The following CAMK1D variants were observed in gnomAD, a reference collection of about 807,000 sequenced individuals.
CAMK1D encodes the protein calcium/calmodulin dependent protein kinase ID, also known as calcium/calmodulin-dependent protein kinase type 1D.
In CAMK1D, 9 loss-of-function variants were observed where a neutral mutation model predicts 47.7. That is an observed-to-expected ratio of 0.19 (90% CI 0.11 to 0.33). CAMK1D has a LOEUF of 0.33. Among genes scored for constraint, CAMK1D ranks in the 10% least tolerant of loss-of-function variants. CAMK1D has a pLI of 1.00. For synonymous variants in CAMK1D, 184 were observed against 184.9 expected, an observed-to-expected ratio of 0.99 and a Z score of 0.04; for missense variants, 291 against 488.7, an observed-to-expected ratio of 0.60 and a Z score of 3.81.
chr10:12,364,595 A>T (rs1044421943), intron 1 of CAMK1D, among the ~76,000 whole-genome samples: 1 of 150,058 alleles, frequency 6.7e-6, no homozygotes, highest in South Asian at 2.1e-4. Flanking sequence ...AGCTGATGGG[A>T]TAGAGAAGTA....
chr10:12,684,027 G>A (rs1009260772), intron 3 of CAMK1D, among the ~76,000 whole-genome samples: 2 of 152,048 alleles, frequency 1.3e-5, no homozygotes, highest in African/African-American at 2.4e-5. Context: ...AAATTAGGCC[G>A]TAAGGAATAG....
At chr10:12,731,966 G>T (rs1834908045) in intron 3 of CAMK1D, among the ~76,000 whole-genome samples, 1 of 152,124 alleles carries the variant, frequency 6.6e-6, no homozygotes, top group African/African-American at 2.4e-5. Flanking sequence ...TAGAGATGCT[G>T]GGCACGGTGG....
At chr10:12,580,336 TC>T (rs1243856561) in intron 2 of CAMK1D, among the ~76,000 whole-genome samples, 1 of 126,546 alleles carries the variant, frequency 7.9e-6, no homozygotes, top group African/African-American at 3.0e-5. Context: ...CTCCCTTCCT[TC>T]CTTTTTTTTT....
At chr10:12,661,877 A>G (rs1366901388) in intron 2 of CAMK1D, among the ~76,000 whole-genome samples, 1 of 152,274 alleles carries the variant, frequency 6.6e-6, no homozygotes, top group East Asian at 1.9e-4. Context: ...CTAGGAGCTA[A>G]CATGGGTTAC....
At chr10:12,795,919 G>C (rs1014315225) in intron 6 of CAMK1D, among the ~76,000 whole-genome samples, 1 of 152,144 alleles carries the variant, frequency 6.6e-6, no homozygotes, top group African/African-American at 2.4e-5. Context: ...GGACGGCGTG[G>C]GTTGCGCTTT....
chr10:12,365,674 G>A (rs192634853), intron 1 of CAMK1D, among the ~76,000 whole-genome samples: 1,964 of 151,842 alleles, frequency 0.013, 42 homozygotes, highest in African/African-American at 0.044. Flanking sequence ...TGCTGACCTC[G>A]TGATCTGCCT....
At chr10:12,648,093 T>C (rs951065327) in intron 2 of CAMK1D, among the ~76,000 whole-genome samples, 1 of 152,240 alleles carries the variant, frequency 6.6e-6, no homozygotes, top group Non-Finnish European at 1.5e-5. Flanking sequence ...ACATTCTTTA[T>C]TGAATCATTT....
chr10:12,516,768 G>A (rs7090626), intron 1 of CAMK1D, among the ~76,000 whole-genome samples: 77,393 of 152,014 alleles, frequency 0.51, 19,905 homozygotes, highest in South Asian at 0.62. Context: ...TCATCTGCCT[G>A]TTTGCCATCT....
At chr10:12,825,831 AC>A in intron 10 of CAMK1D, 141 bp downstream of exon 10, 2 of 1,405,992 alleles carry the variant, frequency 1.4e-6, no homozygotes, top group Non-Finnish European at 1.9e-6. Flanking sequence ...CGACCCTAGG[AC>A]TTTTTTTAAC....
At chr10:12,385,013 C>G (rs1838448565) in intron 1 of CAMK1D, among the ~76,000 whole-genome samples, 1 of 152,176 alleles carries the variant, frequency 6.6e-6, no homozygotes, top group South Asian at 2.1e-4. Context: ...TGCCCAACAT[C>G]TTTAGCCATC....
chr10:12,447,927 A>G (rs1482487835), intron 1 of CAMK1D, among the ~76,000 whole-genome samples: 1 of 152,074 alleles, frequency 6.6e-6, no homozygotes, highest in Admixed American at 6.5e-5. Flanking sequence ...ATCTCGGCTC[A>G]CTGAAACCTC....
At chr10:12,734,322 CAAAAAAAAAAA>C (rs1201573872) in intron 3 of CAMK1D, among the ~76,000 whole-genome samples, 106 of 23,574 alleles carry the variant, frequency 4.5e-3, no homozygotes, top group African/African-American at 0.016. Context: ...GACTCCATCT[CAAAAAAAAAAA>C]AAAAAAAAAA....
At chr10:12,689,910 T>G (rs1832809084) in intron 3 of CAMK1D, among the ~76,000 whole-genome samples, 1 of 152,172 alleles carries the variant, frequency 6.6e-6, no homozygotes, top group Non-Finnish European at 1.5e-5. Context: ...TCATTCTGGT[T>G]TGGAGTTCAA....
intron 2 of CAMK1D, among the ~76,000 whole-genome samples, chr10:12,572,498 T>C (rs1249414326): frequency 1.3e-5 from 2 of 152,204 alleles, no homozygotes; most frequent in African/African-American, 4.8e-5. Flanking sequence ...TGAGGGATGA[T>C]TCCTGTGGTG....
intron 1 of CAMK1D, among the ~76,000 whole-genome samples, chr10:12,429,213 C>G (rs1432717071): frequency 1.3e-5 from 2 of 152,166 alleles, no homozygotes; most frequent in Non-Finnish European, 2.9e-5. Context: ...GTGCTTTCCT[C>G]TTTGCTGACC....
intron 7 of CAMK1D, among the ~76,000 whole-genome samples, chr10:12,815,635 C>T (rs765894869): frequency 4.6e-5 from 7 of 152,264 alleles, no homozygotes; most frequent in Admixed American, 6.5e-5. Flanking sequence ...ATCAGTTCTG[C>T]CACCCAGCCC....
At chr10:12,812,753 C>T (rs967504471) in intron 6 of CAMK1D, among the ~76,000 whole-genome samples, 1 of 152,220 alleles carries the variant, frequency 6.6e-6, no homozygotes, top group Admixed American at 6.5e-5. Flanking sequence ...CAGCCTTAGG[C>T]CCACCTCTTC....
chr10:12,358,337 A>G (rs2131837171), intron 1 of CAMK1D, among the ~76,000 whole-genome samples: 1 of 152,310 alleles, frequency 6.6e-6, no homozygotes, highest in African/African-American at 2.4e-5. Context: ...CAGGAGTTCA[A>G]CACCTGGCCA....
chr10:12,729,546 G>A (rs1471503409), intron 3 of CAMK1D, among the ~76,000 whole-genome samples: 1 of 152,154 alleles, frequency 6.6e-6, no homozygotes, highest in Non-Finnish European at 1.5e-5. Flanking sequence ...GGTGAGGCGG[G>A]AGGGTCACTT....
Sources: allele counts gnomAD v4.1 joint callset (sites outside exome capture counted in the v4.1 genomes callset), GRCh38; gene constraint gnomAD v4.1.1; transcripts MANE v1.5; gene names NCBI Gene and HGNC (gene_info 2026-07-23, HGNC 2026-07-21).